WDSUB1: variants seen among roughly 807,000 people sequenced by gnomAD.
WDSUB1 encodes the protein WD repeat, SAM and U-box domain-containing protein 1.
WDSUB1 carries 49 observed loss-of-function variants against 53.9 expected under a neutral mutation model. That is an observed-to-expected ratio of 0.91 (90% CI 0.72 to 1.15). WDSUB1 has a LOEUF of 1.15. Ranked by LOEUF, WDSUB1 falls within the 50% of genes most tolerant of loss-of-function variation. The pLI, the probability that WDSUB1 is intolerant of heterozygous loss-of-function variation, is 0.00. For missense variants in WDSUB1, 514 were observed against 562.0 expected (o/e 0.91, Z 0.86); for synonymous variants, 194 against 200.6 (o/e 0.97, Z 0.28).
At chr2:159,282,063 C>G (rs922080910) in intron 2 of WDSUB1, among the ~76,000 whole-genome samples, 46 of 106,928 alleles carry the variant, frequency 4.3e-4, no homozygotes, top group African/African-American at 1.6e-3. Flanking sequence ...TTAACTCTTA[C>G]AATTAAAAAA....
At chr2:159,271,344 C>G (rs192147588) in intron 5 of WDSUB1, among the ~76,000 whole-genome samples, 13 of 152,232 alleles carry the variant, frequency 8.5e-5, no homozygotes, top group African/African-American at 3.1e-4. Flanking sequence ...TATAATGTAT[C>G]CATGCCATGG....
chr2:159,272,846 T>C (rs1394886304), intron 4 of WDSUB1, among the ~76,000 whole-genome samples: 3 of 152,196 alleles, frequency 2.0e-5, no homozygotes, highest in African/African-American at 4.8e-5. Context: ...ATCCTTTTCA[T>C]GCTTTTAGAA....
At chr2:159,284,208 C>G (rs2061739069) in intron 1 of WDSUB1, among the ~76,000 whole-genome samples, 1 of 152,192 alleles carries the variant, frequency 6.6e-6, no homozygotes, top group Admixed American at 6.5e-5. Context: ...TTCTCACAAC[C>G]ACCGTTGTCA....
intron 2 of WDSUB1, among the ~76,000 whole-genome samples, chr2:159,281,258 T>G (rs12617424): frequency 0.42 from 63,614 of 151,524 alleles, 14,647 homozygotes; most frequent in Non-Finnish European, 0.54. Flanking sequence ...CTTTTTTTTT[T>G]GAGACAGGGT....
At chr2:159,264,258 C>T (rs7601584) in intron 5 of WDSUB1, among the ~76,000 whole-genome samples, 4,339 of 152,268 alleles carry the variant, frequency 0.028, 194 homozygotes, top group African/African-American at 0.094. Flanking sequence ...CATCTGATAA[C>T]CCTCCGTGAT....
At chr2:159,254,558 C>G (rs2061020403) in intron 9 of WDSUB1, among the ~76,000 whole-genome samples, 1 of 151,716 alleles carries the variant, frequency 6.6e-6, no homozygotes, top group Admixed American at 6.6e-5. Flanking sequence ...GAGACCCTGT[C>G]TCAAACAAAA....
intron 10 of WDSUB1, among the ~76,000 whole-genome samples, chr2:159,246,708 A>G (rs1424150756): frequency 6.6e-6 from 1 of 152,252 alleles, no homozygotes; most frequent in Non-Finnish European, 1.5e-5. Flanking sequence ...CAGCAGCTTC[A>G]GTCATAATAG....
chr2:159,260,752 T>C (rs1200734506), intron 5 of WDSUB1, among the ~76,000 whole-genome samples: 13 of 152,214 alleles, frequency 8.5e-5, no homozygotes, highest in African/African-American at 2.9e-4. Context: ...TAAATATGCC[T>C]CTATCTGGCA....
intron 10 of WDSUB1, among the ~76,000 whole-genome samples, chr2:159,241,719 C>CTTTTTTTTTTTTTTTTTTT (rs527377114): frequency 7.7e-6 from 1 of 130,330 alleles, no homozygotes; most frequent in Non-Finnish European, 1.6e-5. Flanking sequence ...TTTCTTTTTT[C>CTTTTTTTTTTTTTTTTTTT]TTTTTTTTTT....
At chr2:159,280,132 AAAGC>A (rs1558880129) in intron 2 of WDSUB1, among the ~76,000 whole-genome samples, 187 bp from the exon 3 acceptor site, 1 of 152,164 alleles carries the variant, frequency 6.6e-6, no homozygotes, top group Non-Finnish European at 1.5e-5. Context: ...ATACTGTCTA[AAAGC>A]AAGGGAGGAT....
intron 5 of WDSUB1, 104 bp from the exon 6 acceptor site, chr2:159,259,947 CAG>C (rs1205281375): frequency 8.6e-7 from 1 of 1,157,486 alleles, no homozygotes; most frequent in African/African-American, 1.6e-5. Context: ...CTAGAAAAGA[CAG>C]ATATTAACAT....
intron 1 of WDSUB1, among the ~76,000 whole-genome samples, chr2:159,283,743 G>A (rs961702250): frequency 6.6e-6 from 1 of 152,106 alleles, no homozygotes; most frequent in Non-Finnish European, 1.5e-5. Context: ...ACCTCCTGCT[G>A]TGCAGCCCAG....
chr2:159,286,159 G>A (rs1375514317), intron 1 of WDSUB1, among the ~76,000 whole-genome samples: 3 of 152,090 alleles, frequency 2.0e-5, no homozygotes, highest in African/African-American at 7.2e-5. Context: ...GGCACACCAG[G>A]TCAGTTGGCC....
chr2:159,285,426 C>G (rs2061770926), intron 1 of WDSUB1, among the ~76,000 whole-genome samples: 1 of 150,698 alleles, frequency 6.6e-6, no homozygotes, highest in African/African-American at 2.5e-5. Context: ...AAAAAAAAGT[C>G]TGGGCGCGAT....
At chr2:159,275,486 A>G (rs1315447824) in intron 4 of WDSUB1, 60 bp downstream of exon 4, 1 of 1,367,538 alleles carries the variant, frequency 7.3e-7, no homozygotes, top group African/African-American at 1.5e-5. Flanking sequence ...TAAAAAGATT[A>G]AATAGAAATT....
intron 5 of WDSUB1, among the ~76,000 whole-genome samples, chr2:159,265,685 G>A (rs1238392606): frequency 6.6e-6 from 1 of 152,178 alleles, no homozygotes; most frequent in Non-Finnish European, 1.5e-5. Context: ...TCCAGCCTGG[G>A]TGACAGAGGA....
At chr2:159,282,611 A>T (rs2061689677) in intron 2 of WDSUB1, 61 bp downstream of exon 2, 2 of 1,531,680 alleles carry the variant, frequency 1.3e-6, no homozygotes, top group South Asian at 1.3e-5. Context: ...TTTTGCTTTC[A>T]GTTTTTTTTA....
chr2:159,280,277 G>C (rs1292662540), intron 2 of WDSUB1, among the ~76,000 whole-genome samples: 2 of 151,990 alleles, frequency 1.3e-5, no homozygotes, highest in African/African-American at 2.4e-5. Context: ...AACTTAACCA[G>C]AAAAGCAATG....
At chr2:159,274,364 G>A (rs927072299) in intron 4 of WDSUB1, among the ~76,000 whole-genome samples, 2 of 152,060 alleles carry the variant, frequency 1.3e-5, no homozygotes, top group African/African-American at 2.4e-5. Context: ...ATTAGCCAGG[G>A]CAAGACCTGA....
Sources: gnomAD v4.1 joint callset for allele counts (sites outside exome capture counted in the v4.1 genomes callset) on GRCh38, gnomAD v4.1.1 for gene constraint, MANE v1.5 for transcripts, NCBI Gene and HGNC (gene_info 2026-07-23, HGNC 2026-07-21) for gene names.